Variants in DOCK1 observed in about 807,000 individuals in gnomAD.
DOCK1 encodes the protein dedicator of cytokinesis protein 1.
Under a neutral mutation model 262.7 loss-of-function variants are expected in DOCK1, and 138 were observed. That is an observed-to-expected ratio of 0.53 (90% CI 0.46 to 0.61). The LOEUF (loss-of-function observed/expected upper bound fraction) is 0.61, where lower values mean the gene tolerates loss of function less well. Ranked by LOEUF, DOCK1 falls within the 20% of genes least tolerant of loss-of-function variation. The pLI is 0.00. For synonymous variants in DOCK1, 866 were observed against 867.4 expected, an observed-to-expected ratio of 1.00 and a Z score of 0.03; for missense variants, 1,908 against 2,370.7, an observed-to-expected ratio of 0.80 and a Z score of 4.05.
intron 27 of DOCK1, among the ~76,000 whole-genome samples, chr10:127,234,965 G>A (rs1258038718): frequency 6.2e-5 from 9 of 145,180 alleles, no homozygotes; most frequent in African/African-American, 2.2e-4. Context: ...TACATAAAAA[G>A]TAAATAATAT....
chr10:126,929,018 C>G (rs2033984380), intron 1 of DOCK1, among the ~76,000 whole-genome samples: 3 of 152,164 alleles, frequency 2.0e-5, no homozygotes, highest in Admixed American at 1.3e-4. Context: ...ACGAGGGCCT[C>G]TCTGTCTAGA....
At chr10:127,223,375 A>G (rs1401067200) in intron 27 of DOCK1, among the ~76,000 whole-genome samples, 2 of 152,192 alleles carry the variant, frequency 1.3e-5, no homozygotes, top group African/African-American at 4.8e-5. Flanking sequence ...TGAGTTTAGT[A>G]ATTCTATCTT....
chr10:127,031,949 A>T (rs1448032901), intron 17 of DOCK1, among the ~76,000 whole-genome samples, 188 bp from the exon 18 acceptor site: 1 of 152,222 alleles, frequency 6.6e-6, no homozygotes, highest in African/African-American at 2.4e-5. Context: ...ATATAACAAT[A>T]GGTGCCATCT....
intron 29 of DOCK1, among the ~76,000 whole-genome samples, chr10:127,298,920 G>C (rs949338849): frequency 6.6e-6 from 1 of 152,150 alleles, no homozygotes; most frequent in Admixed American, 6.5e-5. Context: ...GGATGATCTC[G>C]AGGTGGTCCA....
At chr10:127,060,509 G>A (rs2045462333) in intron 22 of DOCK1, among the ~76,000 whole-genome samples, 1 of 152,062 alleles carries the variant, frequency 6.6e-6, no homozygotes, top group African/African-American at 2.4e-5. Context: ...ATTTTCCATT[G>A]TACACAAGTT....
At chr10:127,081,192 C>T (rs1380178571) in intron 23 of DOCK1, among the ~76,000 whole-genome samples, 1 of 152,114 alleles carries the variant, frequency 6.6e-6, no homozygotes, top group East Asian at 1.9e-4. Flanking sequence ...GGCGGTTTTA[C>T]TTCAAATGCA....
At chr10:127,317,045 A>G (rs2062314922) in intron 29 of DOCK1, among the ~76,000 whole-genome samples, 1 of 151,632 alleles carries the variant, frequency 6.6e-6, no homozygotes, top group African/African-American at 2.4e-5. Flanking sequence ...TTCCTGGATT[A>G]TTTCCCAAAA....
At chr10:127,050,320 A>ATAGATATT (rs1491322818) in intron 21 of DOCK1, among the ~76,000 whole-genome samples, 1 of 151,278 alleles carries the variant, frequency 6.6e-6, no homozygotes, top group Non-Finnish European at 1.5e-5. Flanking sequence ...CTTAATTATA[A>ATAGATATT]TAGATATTTC....
At chr10:127,299,191 C>G (rs909450868) in intron 29 of DOCK1, among the ~76,000 whole-genome samples, 4 of 152,182 alleles carry the variant, frequency 2.6e-5, no homozygotes, top group African/African-American at 9.7e-5. Flanking sequence ...CTCCACCTCC[C>G]AGGTTCAAGT....
chr10:127,358,875 G>A (rs965397710), intron 32 of DOCK1, among the ~76,000 whole-genome samples: 2 of 152,168 alleles, frequency 1.3e-5, no homozygotes, highest in Admixed American at 1.3e-4. Flanking sequence ...GACTAGGGAG[G>A]CCTTGGCTTC....
intron 1 of DOCK1, among the ~76,000 whole-genome samples, chr10:126,932,978 C>G (rs1372412893): frequency 2.6e-5 from 4 of 151,912 alleles, no homozygotes; most frequent in Admixed American, 2.0e-4. Context: ...ATAGGTTGGC[C>G]TGGATATATG....
chr10:127,152,226 G>A (rs956778982), intron 27 of DOCK1, among the ~76,000 whole-genome samples: 2 of 152,160 alleles, frequency 1.3e-5, no homozygotes, highest in Non-Finnish European at 2.9e-5. Flanking sequence ...TGATGTTCAC[G>A]GAGGGTCATT....
chr10:127,146,151 C>A lies in DOCK1; in HGVS notation c.2847+18387C>A, dbSNP rs1274870103. 1.3e-5 allele frequency: 6 copies of A among 444,764 alleles called. No homozygotes were observed. The Admixed American group carries it at 1.4e-4, about 11-fold the overall frequency. 27.6% of individuals were successfully genotyped at this position (444,764 alleles called of 1,614,324 possible). ...CTTCCCATGAAACTGACAGCGTAGT[C>A]CCCTCATGCTGTTTTGGACATTGGT... On this transcript the variant is annotated intron_variant, in intron 27 of 51. Coordinates refer to ENST00000623213, the MANE Select transcript of DOCK1 (RefSeq NM_001290223.2).
At chr10:127,215,924 A>T (rs2058189781) in intron 27 of DOCK1, among the ~76,000 whole-genome samples, 1 of 152,072 alleles carries the variant, frequency 6.6e-6, no homozygotes. Flanking sequence ...CTTCAGCCAA[A>T]AGGAACTGCA....
chr10:126,975,576 T>G (rs2038463259), intron 2 of DOCK1, among the ~76,000 whole-genome samples: 1 of 152,192 alleles, frequency 6.6e-6, no homozygotes, highest in African/African-American at 2.4e-5. Flanking sequence ...GTTGAGGTCT[T>G]ATGGGTTTCT....
Position 127,224,452 on chromosome 10 carries a change from C to T in DOCK1, c.2848-23556C>T, listed in dbSNP as rs375749725. 2.6e-5 allele frequency among the ~76,000 whole-genome samples: 4 copies of T among 151,716 alleles called. No homozygotes were observed. In the East Asian group the frequency reaches 5.8e-4, roughly 22 times the overall value. On this transcript the variant is annotated intron_variant, in intron 27 of 51. Transcript: ENST00000623213. ...TGGTACACACCTGTAATCCCAGCTA[C>T]TTGGGAGGCTGAGGGAGGAAAATCA...
At chr10:127,278,360 G>A (rs1285495574) in intron 29 of DOCK1, among the ~76,000 whole-genome samples, 1 of 152,066 alleles carries the variant, frequency 6.6e-6, no homozygotes, top group Non-Finnish European at 1.5e-5. Flanking sequence ...AAGAGGGCAG[G>A]TTGGTGAGCT....
chr10:127,061,490 C>T (rs1471868536), intron 22 of DOCK1, among the ~76,000 whole-genome samples, 178 bp from the exon 23 acceptor site: 1 of 152,246 alleles, frequency 6.6e-6, no homozygotes, highest in African/African-American at 2.4e-5. Context: ...GCTGCCTTGG[C>T]TGAGTGGTCT....
intron 50 of DOCK1, among the ~76,000 whole-genome samples, chr10:127,447,010 G>T (rs114798231): frequency 6.6e-6 from 1 of 152,154 alleles, no homozygotes; most frequent in Admixed American, 6.5e-5. Context: ...GCTTGGCTTC[G>T]AAAGCAGTAG....
Sources: allele counts gnomAD v4.1 joint callset (sites outside exome capture counted in the v4.1 genomes callset), GRCh38; gene constraint gnomAD v4.1.1; transcripts MANE v1.5; gene names NCBI Gene and HGNC (gene_info 2026-07-23, HGNC 2026-07-21).